CTNNA2: variants seen among roughly 807,000 people sequenced by gnomAD.
CTNNA2 encodes catenin alpha 2.
A neutral mutation model predicts 101.0 loss-of-function variants in CTNNA2; 42 were observed. The ratio of observed to expected loss-of-function variants is 0.42; its 90% confidence interval spans 0.32 to 0.54. The LOEUF (loss-of-function observed/expected upper bound fraction) is 0.54, where lower values mean the gene tolerates loss of function less well. CTNNA2 is among the 20% of genes least tolerant of loss of function. The pLI is 0.14. For synonymous variants in CTNNA2, 450 were observed against 456.4 expected, an observed-to-expected ratio of 0.99 and a Z score of 0.18; for missense variants, 871 against 1,223.1, an observed-to-expected ratio of 0.71 and a Z score of 4.29.
In CTNNA2 at chr2:79,678,407, G is replaced by A. The variant is rs575260854; in HGVS notation, c.102+26749G>A. Among the ~76,000 whole-genome samples the A allele has an allele frequency of 7.9e-5, 12 of 152,050 alleles. No homozygotes were observed. In the East Asian group the frequency reaches 2.3e-3, roughly 29 times the overall value. On this transcript the variant is annotated intron_variant, in intron 2 of 18. Transcript: ENST00000402739. Reference sequence around the variant, plus strand: ...AAAATCCAAAAGTTAGTTGGGTGTGGTGATGTAGTTCCAGATACTCGGGAG... The same window carrying A: ...AAAATCCAAAAGTTAGTTGGGTGTGATGATGTAGTTCCAGATACTCGGGAG...
chr2:79,453,070 C>G (rs1320282732), intron 4 of CTNNA2, among the ~76,000 whole-genome samples: 2 of 152,122 alleles, frequency 1.3e-5, no homozygotes, highest in African/African-American at 4.8e-5. Flanking sequence ...CTAACTTAAA[C>G]TGAGCACTTT....
intron 7 of CTNNA2, among the ~76,000 whole-genome samples, chr2:80,201,856 G>C (rs1304670514): frequency 6.6e-6 from 1 of 151,942 alleles, no homozygotes; most frequent in South Asian, 2.1e-4. Flanking sequence ...TCTTTTCTCT[G>C]TTAAACACTA....
At chr2:79,445,827 A>G (rs1678826240) in intron 4 of CTNNA2, among the ~76,000 whole-genome samples, 1 of 152,156 alleles carries the variant, frequency 6.6e-6, no homozygotes, top group Non-Finnish European at 1.5e-5. Flanking sequence ...TTGTGTTTTC[A>G]TTGCCTCTAG....
intron 3 of CTNNA2, among the ~76,000 whole-genome samples, chr2:79,758,870 A>G (rs1672578072): frequency 6.6e-6 from 1 of 152,182 alleles, no homozygotes; most frequent in South Asian, 2.1e-4. Flanking sequence ...GGTTGATTCC[A>G]TGAGTCTGCT....
intron 9 of CTNNA2, among the ~76,000 whole-genome samples, chr2:80,524,698 A>G (rs1689872751): frequency 6.6e-6 from 1 of 151,974 alleles, no homozygotes; most frequent in South Asian, 2.1e-4. Flanking sequence ...CTCCTTCCCC[A>G]TCTTAGGGTC....
intron 1 of CTNNA2, among the ~76,000 whole-genome samples, chr2:79,193,224 G>C (rs1180300323): frequency 6.6e-6 from 1 of 152,046 alleles, no homozygotes; most frequent in Non-Finnish European, 1.5e-5. Context: ...GGAAATTTCA[G>C]TGTTTTTTCC....
At chr2:80,272,939 C>G (rs1673611456) in intron 7 of CTNNA2, among the ~76,000 whole-genome samples, 1 of 152,148 alleles carries the variant, frequency 6.6e-6, no homozygotes, top group Non-Finnish European at 1.5e-5. Flanking sequence ...CCAAACTCTT[C>G]TTTGATCCCC....
intron 9 of CTNNA2, among the ~76,000 whole-genome samples, chr2:80,537,046 G>A (rs563592777): frequency 8.5e-5 from 13 of 152,072 alleles, no homozygotes; most frequent in African/African-American, 7.2e-5. Flanking sequence ...CATGCATTAG[G>A]TATTTGTCCT....
intron 4 of CTNNA2, chr2:79,866,457 G>C (rs1478131816): frequency 6.6e-6 from 1 of 152,188 alleles, no homozygotes; most frequent in Non-Finnish European, 1.5e-5. Context: ...TATGACAGCT[G>C]CCTCTGAGGG....
intron 4 of CTNNA2, among the ~76,000 whole-genome samples, chr2:79,394,157 G>A (rs113319313): frequency 2.0e-5 from 3 of 152,254 alleles, no homozygotes; most frequent in African/African-American, 7.2e-5. Context: ...CTCAAGGCCA[G>A]ACTCTGGACA....
intron 1 of CTNNA2, among the ~76,000 whole-genome samples, chr2:79,648,424 T>C (rs139078971): frequency 1.3e-5 from 2 of 152,240 alleles, no homozygotes; most frequent in East Asian, 3.9e-4. Context: ...TTTTTTTCTG[T>C]TTTCATGCAA....
chr2:79,961,561 G>T (rs576929417), intron 7 of CTNNA2, among the ~76,000 whole-genome samples: 8 of 152,282 alleles, frequency 5.3e-5, no homozygotes, highest in Non-Finnish European at 7.3e-5. Context: ...GGTGGCTCAC[G>T]CCTGTAATCC....
chr2:80,644,386 C>T (rs1673830951), intron 18 of CTNNA2, among the ~76,000 whole-genome samples: 1 of 152,156 alleles, frequency 6.6e-6, no homozygotes, highest in African/African-American at 2.4e-5. Flanking sequence ...GCCATCATTA[C>T]AATAAGTCAC....
At chr2:79,403,060 G>C (rs1165913231) in intron 4 of CTNNA2, among the ~76,000 whole-genome samples, 1 of 151,142 alleles carries the variant, frequency 6.6e-6, no homozygotes, top group African/African-American at 2.4e-5. Context: ...AACAAAAAAA[G>C]AAAAACAGGA....
chr2:79,895,627 C>A (rs1356189125), intron 6 of CTNNA2, among the ~76,000 whole-genome samples: 1 of 151,354 alleles, frequency 6.6e-6, no homozygotes, highest in Admixed American at 6.6e-5. Flanking sequence ...AAAAAAAATT[C>A]AACCATTGAT....
At chr2:79,683,442 G>T (rs533711899) in intron 2 of CTNNA2, among the ~76,000 whole-genome samples, 11 of 152,160 alleles carry the variant, frequency 7.2e-5, no homozygotes, top group Non-Finnish European at 1.3e-4. Flanking sequence ...AATAATTTGA[G>T]ATACCAGCTT....
chr2:79,379,473 T>C (rs1678015957), intron 4 of CTNNA2, among the ~76,000 whole-genome samples: 1 of 152,226 alleles, frequency 6.6e-6, no homozygotes, highest in Admixed American at 6.5e-5. Context: ...CTTATCATAC[T>C]GCATACCTTT....
At chr2:80,311,073 A>G (rs1425545804) in intron 7 of CTNNA2, among the ~76,000 whole-genome samples, 1 of 152,076 alleles carries the variant, frequency 6.6e-6, no homozygotes, top group Non-Finnish European at 1.5e-5. Flanking sequence ...TGAACTATTA[A>G]GTTTTGGGTA....
intron 4 of CTNNA2, among the ~76,000 whole-genome samples, chr2:79,418,633 A>T (rs1678508712): frequency 6.6e-6 from 1 of 152,138 alleles, no homozygotes; most frequent in Non-Finnish European, 1.5e-5. Context: ...TCTCAGCATC[A>T]GTATCTTTAT....
Sources: allele counts gnomAD v4.1 joint callset (sites outside exome capture counted in the v4.1 genomes callset), GRCh38; gene constraint gnomAD v4.1.1; transcripts MANE v1.5; gene names NCBI Gene and HGNC (gene_info 2026-07-23, HGNC 2026-07-21).